CNTNAP5: variants seen among roughly 807,000 people sequenced by gnomAD.
The protein encoded by CNTNAP5 is contactin-associated protein-like 5.
In CNTNAP5, 72 loss-of-function variants were observed where a neutral mutation model predicts 150.2. The observed-to-expected ratio is 0.48, with a 90% confidence interval of 0.40 to 0.58. The LOEUF is 0.58. CNTNAP5 is among the 20% of genes least tolerant of loss of function. The probability of loss-of-function intolerance (pLI) is 0.00; values close to 1 mark genes in which losing one functional copy is unlikely to be tolerated. For missense variants in CNTNAP5, 1,636 were observed against 1,626.2 expected (o/e 1.01, Z -0.10); for synonymous variants, 672 against 619.8 (o/e 1.08, Z -1.25).
chr2:124,206,812 G>A (rs1429554477), intron 1 of CNTNAP5, among the ~76,000 whole-genome samples: 1 of 152,096 alleles, frequency 6.6e-6, no homozygotes, highest in African/African-American at 2.4e-5. Context: ...GAGTAATAGG[G>A]GACAGAAGCC....
In CNTNAP5 at chr2:124,920,674, A is replaced by G. The variant is rs1678854631; in HGVS notation, c.*6386A>G. ...ACTAGCCTAGGGCAGAAAGGCAGCC[A>G]TGTATAAATGAATACCCATGGCCAT... On this transcript the variant is annotated 3_prime_UTR_variant, in exon 24 of 24. Transcript: ENST00000682447. Among the ~76,000 whole-genome samples, 1 of 152,154 alleles carries G rather than the reference A, an allele frequency of 6.6e-6. No individual in the cohort carries two copies. Among genetic ancestry groups the G allele is most frequent in the South Asian group, 2.1e-4 (1 of 4,832 alleles).
intron 17 of CNTNAP5, among the ~76,000 whole-genome samples, chr2:124,787,321 C>T (rs1307278175): frequency 2.0e-5 from 3 of 152,158 alleles, no homozygotes; most frequent in African/African-American, 4.8e-5. Flanking sequence ...AAATAATGAA[C>T]CTTCCTCTAT....
intron 2 of CNTNAP5, among the ~76,000 whole-genome samples, chr2:124,234,021 A>C (rs1239967494): frequency 1.3e-5 from 2 of 152,098 alleles, no homozygotes; most frequent in African/African-American, 4.8e-5. Context: ...TGAGAAAAAA[A>C]ATGTAAGTGG....
chr2:124,742,224 A>G (rs968854141), intron 13 of CNTNAP5, among the ~76,000 whole-genome samples: 2 of 152,210 alleles, frequency 1.3e-5, no homozygotes, highest in Non-Finnish European at 2.9e-5. Context: ...TGGGTTAAAT[A>G]GTAGTTTTGC....
chr2:124,032,031 A>C (rs1484054195), intron 1 of CNTNAP5, among the ~76,000 whole-genome samples: 2 of 152,190 alleles, frequency 1.3e-5, no homozygotes, highest in Non-Finnish European at 2.9e-5. Flanking sequence ...TTTGTCTATG[A>C]ATCTGGAGAA....
chr2:124,148,303 A>G (rs998511015), intron 1 of CNTNAP5, among the ~76,000 whole-genome samples: 38 of 151,512 alleles, frequency 2.5e-4, no homozygotes, highest in African/African-American at 8.2e-4. Context: ...CCTCTAAAAA[A>G]AAAAAGAAAG....
At chr2:124,700,610 T>C (rs1397872962) in intron 13 of CNTNAP5, among the ~76,000 whole-genome samples, 1 of 152,128 alleles carries the variant, frequency 6.6e-6, no homozygotes, top group East Asian at 1.9e-4. Flanking sequence ...ACCAATGGCA[T>C]TGAACATCCT....
Position 124,096,310 on chromosome 2 carries a change from T to C in CNTNAP5, c.82+70578T>C, listed in dbSNP as rs115191746. On this transcript the variant is annotated intron_variant, in intron 1 of 23. Transcript: ENST00000682447. ...TTTTCAAATCTCATTTATAGAAACA[T>C]ATGGGAGCCCTGCTGAAAGGATTAT... 8.0e-3 allele frequency among the ~76,000 whole-genome samples: 1,221 copies of C among 152,306 alleles called. 18 individuals carry two copies. Among genetic ancestry groups the C allele is most frequent in the African/African-American group, 0.027 (1,111 of 41,558 alleles).
chr2:124,581,767 C>T lies in CNTNAP5; in HGVS notation c.1756+18444C>T, dbSNP rs548051931. Among the ~76,000 whole-genome samples the T allele has an allele frequency of 2.6e-5, 4 of 152,182 alleles. No homozygotes were observed. The East Asian group carries it at 5.8e-4, about 22-fold the overall frequency. On this transcript the variant is annotated intron_variant, in intron 11 of 23. Transcript: ENST00000682447. ...AATAGGAAGAAATGTGAGGTGAAGCCCGTTGAGATCCCAGCCTGCTGAGGA... is the reference window on the plus strand; with the variant it reads ...AATAGGAAGAAATGTGAGGTGAAGCTCGTTGAGATCCCAGCCTGCTGAGGA...
At position 124,788,603 on chromosome 2, in the gene CNTNAP5, C is replaced by CT. The variant is rs371311629; in HGVS notation, c.2753-1284dup. 6.5e-3 allele frequency among the ~76,000 whole-genome samples: 883 copies of CT among 136,300 alleles called. 3 individuals carry two copies. The highest frequency in any genetic ancestry group is 0.014 in the South Asian group (60 of 4,306). The allele number at this position is 136,300 out of a possible 152,430, so 89.4% of individuals were successfully genotyped here. The stretch of plus-strand genomic sequence containing the variant: ...TTTCTTTCTTTTTCTTTCTTTCTTT[C>CT]TTTTTTTTTTTTTTTGAGACAGAGT... On this transcript the variant is annotated intron_variant, in intron 17 of 23. Coordinates refer to ENST00000682447, the MANE Select transcript of CNTNAP5 (RefSeq NM_001367498.1).
chr2:124,820,745 C>T (rs1265243511), intron 19 of CNTNAP5, among the ~76,000 whole-genome samples: 4 of 152,126 alleles, frequency 2.6e-5, no homozygotes, highest in Non-Finnish European at 5.9e-5. Flanking sequence ...TATACCATGC[C>T]TGTATTAATC....
At chr2:124,766,811 G>C (rs1681078824) in intron 16 of CNTNAP5, among the ~76,000 whole-genome samples, 1 of 152,126 alleles carries the variant, frequency 6.6e-6, no homozygotes, top group African/African-American at 2.4e-5. Flanking sequence ...TGTCCAGTTT[G>C]TTTGCACTTT....
chr2:124,709,002 G>A (rs1485797476), intron 13 of CNTNAP5, among the ~76,000 whole-genome samples: 1 of 152,174 alleles, frequency 6.6e-6, no homozygotes, highest in Non-Finnish European at 1.5e-5. Context: ...CGTGCGCTGT[G>A]CTTCATTCCA....
chr2:124,159,974 T>C (rs1307958326), intron 1 of CNTNAP5, among the ~76,000 whole-genome samples: 2 of 152,218 alleles, frequency 1.3e-5, no homozygotes, highest in Non-Finnish European at 2.9e-5. Flanking sequence ...TTTTTACAGA[T>C]ATTGTTTATC....
chr2:124,915,965 T>C lies in CNTNAP5; in HGVS notation c.*1677T>C, dbSNP rs1465575210. Reference sequence around the variant, plus strand: ...CAATTTAGAAAACAATGACCACAGCTCTATTTGCCATCCTTGACAGTTAGC... The same window carrying C: ...CAATTTAGAAAACAATGACCACAGCCCTATTTGCCATCCTTGACAGTTAGC... On this transcript the variant is annotated 3_prime_UTR_variant, in exon 24 of 24. Transcript: ENST00000682447. 1.3e-5 allele frequency among the ~76,000 whole-genome samples: 2 copies of C among 152,042 alleles called. No individual in the cohort carries two copies. Among genetic ancestry groups the C allele is most frequent in the Non-Finnish European group, 2.9e-5 (2 of 67,974 alleles).
At chr2:124,316,533 C>A (rs1473405784) in intron 3 of CNTNAP5, among the ~76,000 whole-genome samples, 2 of 151,950 alleles carry the variant, frequency 1.3e-5, no homozygotes, top group Non-Finnish European at 2.9e-5. Flanking sequence ...CAGCCGGGCA[C>A]GGTGGCTCAC....
chr2:124,419,457 C>T (rs1369108224), intron 4 of CNTNAP5, among the ~76,000 whole-genome samples: 1 of 152,114 alleles, frequency 6.6e-6, no homozygotes, highest in Admixed American at 6.6e-5. Context: ...AAGGAACACT[C>T]TATCCAGAAA....
At chr2:124,706,040 G>A (rs1204819749) in intron 13 of CNTNAP5, among the ~76,000 whole-genome samples, 1 of 152,134 alleles carries the variant, frequency 6.6e-6, no homozygotes, top group Non-Finnish European at 1.5e-5. Flanking sequence ...CTGAATTGCT[G>A]TTGTTGGGTC....
intron 19 of CNTNAP5, among the ~76,000 whole-genome samples, chr2:124,825,125 A>C (rs1390843186): frequency 6.6e-6 from 1 of 152,296 alleles, no homozygotes; most frequent in African/African-American, 2.4e-5. Flanking sequence ...TATTTTAACT[A>C]TATATACTGA....
Sources: gnomAD v4.1 joint callset for allele counts (sites outside exome capture counted in the v4.1 genomes callset) on GRCh38, gnomAD v4.1.1 for gene constraint, MANE v1.5 for transcripts, NCBI Gene and HGNC (gene_info 2026-07-23, HGNC 2026-07-21) for gene names.